Variants in GMCL1 observed in about 807,000 individuals in gnomAD.
The protein encoded by GMCL1 is germ cell-less protein-like 1.
GMCL1 carries 54 observed loss-of-function variants against 75.5 expected under a neutral mutation model. That is an observed-to-expected ratio of 0.71 (90% CI 0.57 to 0.90). The LOEUF (loss-of-function observed/expected upper bound fraction) is 0.90. GMCL1 is among the 40% of genes least tolerant of loss of function. GMCL1 has a pLI of 0.00. For synonymous variants in GMCL1, 210 were observed against 209.6 expected (o/e 1.00, Z -0.02); for missense variants, 537 against 622.7 (o/e 0.86, Z 1.47).
chr2:69,869,572 C>A, intron 11 of GMCL1, 147 bp from the exon 12 acceptor site: 1 of 663,534 alleles, frequency 1.5e-6, no homozygotes, highest in Non-Finnish European at 2.5e-6. Flanking sequence ...GGGTGGTAAG[C>A]CTTAAGAAAA....
intron 13 of GMCL1, 110 bp from the exon 14 acceptor site, chr2:69,878,799 G>A (rs1204386176): frequency 7.8e-6 from 6 of 766,886 alleles, no homozygotes; most frequent in Non-Finnish European, 1.4e-5. Context: ...GAGTGGAGTT[G>A]TGGATCTCAG....
Position 69,880,180 on chromosome 2 carries a change from G to A in GMCL1, c.*1176G>A, listed in dbSNP as rs947308828. The A allele has an allele frequency of 2.7e-4, 41 of 152,062 alleles. No individual in the cohort carries two copies. Among genetic ancestry groups the A allele is most frequent in the African/African-American group, 9.7e-4 (40 of 41,400 alleles). 9.4% of individuals were successfully genotyped at this position (152,062 alleles called of 1,614,324 possible). ...TAGAGTAAGTACTTCTGTGGTTAAT[G>A]TATATTTTTATTATGGTTTTTAAAA... On this transcript the variant is annotated 3_prime_UTR_variant, in exon 14 of 14. Coordinates refer to ENST00000282570, the MANE Select transcript of GMCL1 (RefSeq NM_178439.5).
chr2:69,831,150 C>G (rs1340315820), intron 1 of GMCL1, among the ~76,000 whole-genome samples: 1 of 152,112 alleles, frequency 6.6e-6, no homozygotes, highest in African/African-American at 2.4e-5. Flanking sequence ...AATTCCCGAC[C>G]TCAGGTGATC....
intron 11 of GMCL1, among the ~76,000 whole-genome samples, chr2:69,868,267 T>C (rs2104038066): frequency 6.6e-6 from 1 of 152,222 alleles, no homozygotes; most frequent in Admixed American, 6.5e-5. Context: ...CTTACAGTTA[T>C]CACCTCTACT....
At chr2:69,838,405 C>G (rs1258770179) in intron 2 of GMCL1, among the ~76,000 whole-genome samples, 2 of 149,108 alleles carry the variant, frequency 1.3e-5, no homozygotes, top group African/African-American at 5.0e-5. Flanking sequence ...CTCTAATGGC[C>G]CAAATATTTT....
intron 7 of GMCL1, among the ~76,000 whole-genome samples, chr2:69,848,661 C>T (rs555964181): frequency 3.9e-5 from 6 of 152,168 alleles, no homozygotes; most frequent in Non-Finnish European, 8.8e-5. Context: ...TGAGTTGTCA[C>T]AGTGGCATTC....
chr2:69,845,014 C>A, intron 6 of GMCL1: 1 of 158,414 alleles, frequency 6.3e-6, no homozygotes, highest in South Asian at 1.7e-4. Flanking sequence ...GACCTATAAT[C>A]CCAGCACTTT....
At chr2:69,843,618 A>G (rs1675048503) in intron 5 of GMCL1, among the ~76,000 whole-genome samples, 1 of 152,100 alleles carries the variant, frequency 6.6e-6, no homozygotes, top group South Asian at 2.1e-4. Context: ...GGGAGACCCC[A>G]TCTCTACAAA....
chr2:69,873,856 TG>T (rs1389929239), intron 13 of GMCL1: 1 of 167,708 alleles, frequency 6.0e-6, no homozygotes, highest in Non-Finnish European at 1.5e-5. Context: ...TCACCTGGCC[TG>T]GGCCCAGTAG....
At chr2:69,871,644 T>TA (rs1480788067) in intron 12 of GMCL1, 101 bp from the exon 13 acceptor site, 3 of 633,590 alleles carry the variant, frequency 4.7e-6, no homozygotes, top group South Asian at 4.6e-5. Context: ...TTTTATCAAA[T>TA]AAAAAACAGA....
chr2:69,864,760 A>G, intron 10 of GMCL1, 140 bp from the exon 11 acceptor site: 1 of 595,382 alleles, frequency 1.7e-6, no homozygotes, highest in East Asian at 2.9e-5. Context: ...AATTTAATCA[A>G]CACTTTCTTA....
At chr2:69,849,148 A>G (rs973244230) in intron 7 of GMCL1, among the ~76,000 whole-genome samples, 13 of 152,088 alleles carry the variant, frequency 8.5e-5, no homozygotes, top group Non-Finnish European at 5.9e-5. Context: ...CACACATCCA[A>G]TTTTTATCAC....
intron 6 of GMCL1, among the ~76,000 whole-genome samples, chr2:69,845,348 G>GTGAGAAATGGATTCCAGGGTTCTA (rs1300494642): frequency 5.9e-5 from 9 of 152,328 alleles, no homozygotes; most frequent in Non-Finnish European, 1.3e-4. Flanking sequence ...GCAGTCACCC[G>GTGAGAAATGGATTCCAGGGTTCTA]TGAGAAATGG....
In GMCL1 at chr2:69,878,958, A is replaced by G; in HGVS notation, c.1502A>G (p.Tyr501Cys). ...LDSRLLIFPLYICCNFLYISP... is the reference protein window; with the variant it reads ...LDSRLLIFPLCICCNFLYISP... The stretch of plus-strand genomic sequence containing the variant: ...AGCAGGCTTCTGATCTTCCCTTTAT[A>G]TATCTGCTGTAACTTCTTGTATATA... Residue 501 changes from tyrosine (Y) to cysteine (C), a missense_variant, in exon 14 of 14, where the codon TAT becomes TGT. Coordinates refer to ENST00000282570, the MANE Select transcript of GMCL1 (RefSeq NM_178439.5). 6.2e-7 allele frequency: 1 copy of G among 1,610,598 alleles called. No homozygotes were observed. The highest frequency in any genetic ancestry group is 2.2e-5 in the East Asian group (1 of 44,836).
intron 8 of GMCL1, among the ~76,000 whole-genome samples, chr2:69,854,022 C>T (rs1384785776): frequency 6.6e-6 from 1 of 152,084 alleles, no homozygotes. Context: ...CCAGGCTGAT[C>T]TTGAACTCCT....
At chr2:69,873,128 A>G (rs1676029408) in intron 13 of GMCL1, among the ~76,000 whole-genome samples, 1 of 152,194 alleles carries the variant, frequency 6.6e-6, no homozygotes, top group South Asian at 2.1e-4. Flanking sequence ...AGGAGAAAGA[A>G]AGACAGCTCA....
Position 69,831,459 on chromosome 2 carries a change from T to C in GMCL1, c.260+1307T>C, listed in dbSNP as rs1674669354. ...GCTTTTTTCTAAAGGAGTCTCACTA[T>C]ATTGCCCAGGCTGGTCTCAAACGCC... On this transcript the variant is annotated intron_variant, in intron 1 of 13. Transcript: ENST00000282570. 2.0e-5 allele frequency among the ~76,000 whole-genome samples: 3 copies of C among 152,320 alleles called. No individual in the cohort carries two copies. The South Asian group carries it at 6.2e-4, about 32-fold the overall frequency.
chr2:69,863,017 CAG>C (rs965514480), intron 10 of GMCL1, among the ~76,000 whole-genome samples: 1 of 152,098 alleles, frequency 6.6e-6, no homozygotes, highest in African/African-American at 2.4e-5. Flanking sequence ...TGAGGTAATA[CAG>C]AGTCTCATCT....
At position 69,869,824 on chromosome 2, in the gene GMCL1, G is replaced by T; in HGVS notation, c.1324G>T (p.Gly442Ter). The T allele has an allele frequency of 6.2e-7, 1 of 1,613,744 alleles. No individual in the cohort carries two copies. The highest frequency in any genetic ancestry group is 8.5e-7 in the Non-Finnish European group (1 of 1,179,900). The stretch of plus-strand genomic sequence containing the variant: ...CAATACACTGAATCAGCCATGTAGC[G>T]GATCTGTCAGTTTACAGCCTCGAAG... ...KRNTLNQPCSGSVSLQPRRSI... is the reference protein window; with the variant it reads ...KRNTLNQPCS Residue 442 changes from glycine (G) to a stop codon, truncating the protein, a stop_gained, in exon 12 of 14, where the codon GGA becomes TGA. Coordinates refer to ENST00000282570, the MANE Select transcript of GMCL1 (RefSeq NM_178439.5). LOFTEE classifies it high-confidence loss of function.
Sources: gnomAD v4.1 joint callset for allele counts (sites outside exome capture counted in the v4.1 genomes callset) on GRCh38, gnomAD v4.1.1 for gene constraint, MANE v1.5 for transcripts, NCBI Gene and HGNC (gene_info 2026-07-23, HGNC 2026-07-21) for gene names.